The following GRIN2C variants were observed in gnomAD, a reference collection of about 807,000 sequenced individuals.
GRIN2C encodes glutamate receptor ionotropic, NMDA 2C.
Under a neutral mutation model 77.7 loss-of-function variants are expected in GRIN2C, and 64 were observed. That is an observed-to-expected ratio of 0.82 (90% CI 0.67 to 1.01). The LOEUF (loss-of-function observed/expected upper bound fraction) is 1.01. Among genes scored for constraint, GRIN2C ranks in the 50% least tolerant of loss-of-function variants. The pLI, the probability that GRIN2C is intolerant of heterozygous loss-of-function variation, is 0.00. For synonymous variants in GRIN2C, 792 were observed against 643.4 expected (o/e 1.23, Z -3.49); for missense variants, 1,549 against 1,486.0 (o/e 1.04, Z -0.70).
chr17:74,847,419 C>T lies in GRIN2C; in HGVS notation c.1890G>A (p.Leu630=). 1.9e-6 allele frequency: 3 copies of T among 1,614,158 alleles called. No homozygotes were observed. The highest frequency in any genetic ancestry group is 2.5e-6 in the Non-Finnish European group (3 of 1,180,008). Residue 630 remains leucine (L), a synonymous_variant, in exon 9 of 13, where the codon CTG becomes CTA. Coordinates refer to ENST00000293190, the MANE Select transcript of GRIN2C (RefSeq NM_000835.6). This position sits in a 1 kb window ranked among gnomAD's most constrained non-coding sequence, Gnocchi z 5.2. ...PRGTTSKIMV[L]VWAFFAVIFL... ...AGATGACAGCAAAGAAGGCCCAGAC[C>T]AGAACCATGATCTTGCTGGTGGTGC...
At chr17:74,843,768 A>G (rs1236275308) in intron 12 of GRIN2C, among the ~76,000 whole-genome samples, 1 of 152,110 alleles carries the variant, frequency 6.6e-6, no homozygotes, top group Non-Finnish European at 1.5e-5. Flanking sequence ...CACTCTAGCT[A>G]GCACCTGGCA....
Position 74,843,444 on chromosome 17 carries a change from T to C in GRIN2C, c.2693A>G (p.Gln898Arg). The change falls in exon 13 of 13, where the codon CAG becomes CGG. Residue 898 changes from glutamine to arginine, a missense_variant. Physicochemically the swap from Gln to Arg is conservative, Grantham distance 43. Around this residue, in one of 3 missense-constraint regions of GRIN2C, gnomAD observed 450 missense variants for 267.9 expected, o/e 1.68. Transcript: ENST00000293190. ...SAQASVLKML[Q>R]AARDMVTTAG... ...CGTGGTCACCATGTCGCGGGCTGCC[T>C]GCAGCATCTTGAGCACGCTGGCCTG... The C allele has an allele frequency of 6.5e-7, 1 of 1,535,538 alleles. No homozygotes were observed. Among genetic ancestry groups the C allele is most frequent in the Admixed American group, 2.0e-5 (1 of 50,972 alleles).
At chr17:74,844,104 A>C (rs1239309721) in intron 12 of GRIN2C, 172 bp downstream of exon 12, 56 of 1,318,376 alleles carry the variant, frequency 4.2e-5, no homozygotes, top group Non-Finnish European at 5.1e-5. Context: ...AAACTTCTGG[A>C]CTCAAGGGAT....
chr17:74,850,134 TGA>T lies in GRIN2C; in HGVS notation c.1491+70_1491+71del. 6.5e-7 allele frequency: 1 copy of T among 1,546,478 alleles called. No homozygotes were observed. Among genetic ancestry groups the T allele is most frequent in the Non-Finnish European group, 8.9e-7 (1 of 1,127,168 alleles). Reference sequence around the variant, plus strand: ...CCCATGCCCCCCTCTAGAGGGCATCTGAGAGCCACATGGGGCCTGGGCAGCAG... The same window carrying T: ...CCCATGCCCCCCTCTAGAGGGCATCTGAGCCACATGGGGCCTGGGCAGCAG... On this transcript the variant is annotated intron_variant, in intron 6 of 12. Transcript: ENST00000293190. This position sits in a 1 kb window ranked among gnomAD's most constrained non-coding sequence, Gnocchi z 5.3.
Position 74,843,265 on chromosome 17 carries a change from TG to T in GRIN2C, c.2871del (p.Thr958ArgfsTer253). 2.9e-6 allele frequency: 2 copies of T among 678,262 alleles called. No individual in the cohort carries two copies. The highest frequency in any genetic ancestry group is 2.0e-6 in the Non-Finnish European group (1 of 497,116). The allele number at this position is 678,262 out of a possible 1,614,324, so 42.0% of individuals were successfully genotyped here. A position where few individuals can be genotyped will look rare whatever the true frequency, so the allele number is the denominator to read the frequency against. On this transcript the variant is annotated frameshift_variant, in exon 13 of 13. Transcript: ENST00000293190. LOFTEE classifies it low-confidence loss of function (END_TRUNC). ...CCCCCGTCTGGCGGTCCCCAGCCCGTGGGGCTCGGCTCTGGGGGCGGGTCGG... is the reference window on the plus strand; with the variant it reads ...CCCCCGTCTGGCGGTCCCCAGCCCGTGGGCTCGGCTCTGGGGGCGGGTCGG... Reference protein sequence around the residue: ...PTPDPPPEPSPTGWGPPDGGR... With the variant: ...PTPDPPPEPSXTGWGPPDGGR...
intron 4 of GRIN2C, chr17:74,851,352 T>C (rs922756756): frequency 5.6e-6 from 3 of 535,768 alleles, no homozygotes; most frequent in East Asian, 3.1e-5. Context: ...AAATGTTCTA[T>C]AGTAGAGGGA....
At chr17:74,857,422 G>A (rs2037846261) in intron 1 of GRIN2C, among the ~76,000 whole-genome samples, 1 of 152,188 alleles carries the variant, frequency 6.6e-6, no homozygotes, top group Non-Finnish European at 1.5e-5. Flanking sequence ...CTTCCCATGT[G>A]TACGGTTCCC....
chr17:74,854,401 A>T (rs2037751342), intron 2 of GRIN2C: 2 of 345,388 alleles, frequency 5.8e-6, no homozygotes, highest in Non-Finnish European at 1.1e-5. Flanking sequence ...CTGACCTAGG[A>T]AGCTGAGGGA....
Position 74,859,428 on chromosome 17 carries a change from C to A in GRIN2C, c.-16+316G>T, listed in dbSNP as rs2037899509. On this transcript the variant is annotated intron_variant, in intron 1 of 12. Coordinates refer to ENST00000293190, the MANE Select transcript of GRIN2C (RefSeq NM_000835.6). The surrounding 1 kb of genome is among the most constrained non-coding windows in gnomAD (Gnocchi z 5.9). Reference sequence around the variant, plus strand: ...CTCATACCCGCTCACATCTGAGATACCGATGGCTCTCCCTCTCCCAGGCTA... The same window carrying A: ...CTCATACCCGCTCACATCTGAGATAACGATGGCTCTCCCTCTCCCAGGCTA... Among the ~76,000 whole-genome samples, 1 of 152,124 alleles carries A rather than the reference C, an allele frequency of 6.6e-6. No homozygotes were observed. The highest frequency in any genetic ancestry group is 2.1e-4 in the South Asian group (1 of 4,820).
At position 74,859,541 on chromosome 17, in the gene GRIN2C, C is replaced by T. The variant is rs569302298; in HGVS notation, c.-16+203G>A. On this transcript the variant is annotated intron_variant, in intron 1 of 12. Transcript: ENST00000293190. The surrounding 1 kb of genome is among the most constrained non-coding windows in gnomAD (Gnocchi z 5.9). ...CGGTGAGCCGCCCCTCCTTTGCCGT[C>T]GGGTTTCCCTCCCTCCCTTTTGCCC... Among the ~76,000 whole-genome samples the T allele has an allele frequency of 1.3e-3, 197 of 152,116 alleles. 1 individual carries two copies. The highest frequency in any genetic ancestry group is 6.8e-3 in the Middle Eastern group (2 of 294).
chr17:74,850,482 T>A lies in GRIN2C; in HGVS notation c.1325+74A>T. 1.9e-6 allele frequency: 3 copies of A among 1,570,456 alleles called. No homozygotes were observed. Among genetic ancestry groups the A allele is most frequent in the Non-Finnish European group, 2.6e-6 (3 of 1,145,240 alleles). ...TGGACCCCTGCCCCACACCCAAGCATGGGACATACACGACACCTGACCATC... is the reference window on the plus strand; with the variant it reads ...TGGACCCCTGCCCCACACCCAAGCAAGGGACATACACGACACCTGACCATC... On this transcript the variant is annotated intron_variant, in intron 5 of 12. Coordinates refer to ENST00000293190, the MANE Select transcript of GRIN2C (RefSeq NM_000835.6). This position sits in a 1 kb window ranked among gnomAD's most constrained non-coding sequence, Gnocchi z 5.3.
Position 74,855,065 on chromosome 17 carries a change from ACAGGGCCGGCCC to A in GRIN2C, c.16_27del (p.Gly6_Leu9del), listed in dbSNP as rs1283489910. On this transcript the variant is annotated inframe_deletion, in exon 2 of 13. Transcript: ENST00000293190. ...CAGGCACCGAAGAGCGAGGTGAGCAACAGGGCCGGCCCCAGGGCCCCACCCATGTCCACCGGA... is the reference window on the plus strand; with the variant it reads ...CAGGCACCGAAGAGCGAGGTGAGCAACAGGGCCCCACCCATGTCCACCGGA... The A allele has an allele frequency of 1.3e-6, 2 of 1,594,320 alleles. No homozygotes were observed. The highest frequency in any genetic ancestry group is 1.7e-6 in the Non-Finnish European group (2 of 1,176,642).
Position 74,852,290 on chromosome 17 carries a change from C to CCGCCTCGGCGAAGAG in GRIN2C, c.706_720dup (p.Leu236_Ala240dup). 1 of 1,423,858 alleles carries CCGCCTCGGCGAAGAG rather than the reference C, an allele frequency of 7.0e-7. No individual in the cohort carries two copies. The highest frequency in any genetic ancestry group is 1.5e-5 in the African/African-American group (1 of 66,388). 88.2% of individuals were successfully genotyped at this position (1,423,858 alleles called of 1,614,324 possible). ...CCGGGCCCCACCAGACCGGCCTGCG[C>CCGCCTCGGCGAAGAG]CGCCTCGGCGAAGAGCACCTCGGCC... On this transcript the variant is annotated inframe_insertion, in exon 3 of 13. Transcript: ENST00000293190.
Position 74,843,511 on chromosome 17 carries a change from G to T in GRIN2C, c.2626C>A (p.Pro876Thr). The T allele has an allele frequency of 1.9e-5, 29 of 1,533,506 alleles. No individual in the cohort carries two copies. The highest frequency in any genetic ancestry group is 2.5e-5 in the Non-Finnish European group (29 of 1,146,462). The allele number at this position is 1,533,506 out of a possible 1,614,324, so 95.0% of individuals were successfully genotyped here. The stretch of plus-strand genomic sequence containing the variant: ...AGGTCCGGGCTGGCCTGCCGCGGTG[G>T]GCTGGCGAGGCTCTGCACCCCGCTG... ...CFSGVQSLAS[P>T]PRQASPDLTA... Residue 876 changes from proline (P) to threonine (T), a missense_variant, in exon 13 of 13, where the codon CCA (proline) becomes ACA (threonine). This residue lies in a region of GRIN2C where 450 missense variants were observed against 267.9 expected (regional missense o/e 1.68). Transcript: ENST00000293190.
At chr17:74,848,101 G>T in intron 7 of GRIN2C, 124 bp from the exon 8 acceptor site, 1 of 979,686 alleles carries the variant, frequency 1.0e-6, no homozygotes, top group Non-Finnish European at 1.5e-6. Flanking sequence ...TGCGGACCCA[G>T]CCAAGGGGGC....
At chr17:74,845,710 A>T (rs1206243874) in intron 11 of GRIN2C, among the ~76,000 whole-genome samples, 1 of 152,160 alleles carries the variant, frequency 6.6e-6, no homozygotes, top group Non-Finnish European at 1.5e-5. Flanking sequence ...GAGATACTAT[A>T]CTGAGCAAAG....
At position 74,854,965 on chromosome 17, in the gene GRIN2C, T is replaced by C; in HGVS notation, c.128A>G (p.Gln43Arg). ...AVVFSSSGPP[Q>R]AQFRARLTPQ... is the part of the protein sequence containing the mutation. ...GGTGAGGCGGGCACGGAACTGGGCCTGGGGCGGCCCTGAGCTGCTAAACAC... is the reference window on the plus strand; with the variant it reads ...GGTGAGGCGGGCACGGAACTGGGCCCGGGGCGGCCCTGAGCTGCTAAACAC... Residue 43 changes from glutamine (Q) to arginine (R), a missense_variant, in exon 2 of 13, where the codon CAG (glutamine) becomes CGG (arginine). This residue lies in a region of GRIN2C where 382 missense variants were observed against 360.0 expected (regional missense o/e 1.06). Transcript: ENST00000293190. 6.2e-7 allele frequency: 1 copy of C among 1,611,858 alleles called. No homozygotes were observed. Among genetic ancestry groups the C allele is most frequent in the African/African-American group, 1.3e-5 (1 of 75,032 alleles).
rs534158410 is a variant in GRIN2C, at chr17:74,859,131, C to T, written c.-16+613G>A. ...CCTGCCCCACACTGGACTGCGGGCT[C>T]CTTGAGGGCAGACACATTGTCTCAG... On this transcript the variant is annotated intron_variant, in intron 1 of 12. Transcript: ENST00000293190. This position sits in a 1 kb window ranked among gnomAD's most constrained non-coding sequence, Gnocchi z 5.9. Among the ~76,000 whole-genome samples the T allele has an allele frequency of 1.6e-4, 24 of 152,332 alleles. No individual in the cohort carries two copies. Among genetic ancestry groups the T allele is most frequent in the Admixed American group, 1.2e-3 (19 of 15,308 alleles).
At chr17:74,851,717 G>T in intron 3 of GRIN2C, 26 bp from the exon 4 acceptor site, 1 of 1,399,948 alleles carries the variant, frequency 7.1e-7, no homozygotes, top group Non-Finnish European at 9.9e-7. Flanking sequence ...GATGCCTGCA[G>T]CCCTGCCAAG....
Sources: allele counts gnomAD v4.1 joint callset (sites outside exome capture counted in the v4.1 genomes callset), GRCh38; gene constraint gnomAD v4.1.1; regional missense constraint gnomAD v4.1.1; non-coding constraint Gnocchi (gnomAD v3.1); transcripts MANE v1.5; gene names NCBI Gene and HGNC (gene_info 2026-07-23, HGNC 2026-07-21).